The following TTC34 variants were observed in gnomAD, a reference collection of about 807,000 sequenced individuals.
TTC34 encodes tetratricopeptide repeat domain 34.
In TTC34, 44 loss-of-function variants were observed where a neutral mutation model predicts 40.7. The observed-to-expected ratio is 1.08, with a 90% CI of 0.85 to 1.39. TTC34 has a LOEUF of 1.39. Ranked by LOEUF, TTC34 falls within the 40% of genes most tolerant of loss-of-function variation. The probability of loss-of-function intolerance (pLI) is 0.00; values close to 1 mark genes in which losing one functional copy is unlikely to be tolerated. For missense variants in TTC34, 884 were observed against 838.0 expected (o/e 1.05, Z -0.68); for synonymous variants, 422 against 398.6 (o/e 1.06, Z -0.70).
intron 5 of TTC34, among the ~76,000 whole-genome samples, chr1:2,784,932 G>A (rs1056855699): frequency 3.3e-5 from 5 of 149,924 alleles, no homozygotes; most frequent in Non-Finnish European, 7.4e-5. Flanking sequence ...GTGTTGTTCT[G>A]TGACGGACAT....
chr1:2,765,816 G>T (rs1641773847), intron 6 of TTC34, among the ~76,000 whole-genome samples: 1 of 9,668 alleles, frequency 1.0e-4, no homozygotes, highest in Non-Finnish European at 1.6e-4. Flanking sequence ...GCATCTGACA[G>T]CCTGGAGCAG....
At chr1:2,677,013 C>CA (rs1639930229) in intron 6 of TTC34, among the ~76,000 whole-genome samples, 1 of 90,262 alleles carries the variant, frequency 1.1e-5, no homozygotes, top group Non-Finnish European at 2.3e-5. Flanking sequence ...CCACCACTCC[C>CA]AGGCCAGCAT....
At chr1:2,779,701 T>C (rs1417455451) in intron 6 of TTC34, among the ~76,000 whole-genome samples, 1 of 152,184 alleles carries the variant, frequency 6.6e-6, no homozygotes, top group African/African-American at 2.4e-5. Flanking sequence ...TTCCCACCAA[T>C]AGTGCAGAAG....
chr1:2,769,476 G>C (rs1428234890), intron 6 of TTC34, among the ~76,000 whole-genome samples: 1 of 62,436 alleles, frequency 1.6e-5, no homozygotes, highest in African/African-American at 9.2e-5. Context: ...ACCTCCAGGG[G>C]AGCATCTGAC....
intron 6 of TTC34, among the ~76,000 whole-genome samples, chr1:2,749,584 G>T (rs1376665951): frequency 2.9e-5 from 2 of 68,186 alleles, no homozygotes; most frequent in Non-Finnish European, 5.3e-5. Context: ...GCATCCGACA[G>T]CCTGGAGCAG....
chr1:2,786,829 C>T (rs1157158445), intron 4 of TTC34, among the ~76,000 whole-genome samples: 3 of 152,140 alleles, frequency 2.0e-5, no homozygotes, highest in African/African-American at 4.8e-5. Flanking sequence ...GGTGGGCACA[C>T]GGGTTCCCCA....
At chr1:2,790,386 C>G (rs1643650434) in intron 2 of TTC34, 40 bp from the exon 3 acceptor site, 2 of 398,322 alleles carry the variant, frequency 5.0e-6, no homozygotes, top group Non-Finnish European at 8.8e-6. Context: ...GCCTGGGGGG[C>G]CGACTCCCCG....
chr1:2,642,865 T>C (rs887674703), intron 8 of TTC34, among the ~76,000 whole-genome samples: 6 of 152,222 alleles, frequency 3.9e-5, no homozygotes, highest in Admixed American at 3.9e-4. Context: ...GCTTTGCTGC[T>C]GGGCTCCCGC....
intron 6 of TTC34, among the ~76,000 whole-genome samples, chr1:2,677,686 C>CTGA (rs1639961195): frequency 6.6e-6 from 1 of 151,866 alleles, no homozygotes; most frequent in South Asian, 2.1e-4. Context: ...GAACAGCACC[C>CTGA]ATACGCCCAG....
At chr1:2,677,751 A>G (rs1175415049) in intron 6 of TTC34, among the ~76,000 whole-genome samples, 5 of 133,848 alleles carry the variant, frequency 3.7e-5, no homozygotes, top group Non-Finnish European at 8.1e-5. Context: ...AGCATCTGAC[A>G]GCCTGGAACA....
At chr1:2,786,099 G>A (rs1358493782) in intron 4 of TTC34, 76 bp from the exon 5 acceptor site, 11 of 1,288,966 alleles carry the variant, frequency 8.5e-6, no homozygotes, top group Non-Finnish European at 1.1e-5. Context: ...GACGCCCCTG[G>A]CCATCCCCCA....
At chr1:2,683,304 T>A (rs200521457) in intron 6 of TTC34, among the ~76,000 whole-genome samples, 26 of 60,834 alleles carry the variant, frequency 4.3e-4, no homozygotes, top group African/African-American at 1.7e-3. Context: ...TGGAACAGAA[T>A]CCACACCCCC....
chr1:2,753,013 A>C (rs1641375973), intron 6 of TTC34, among the ~76,000 whole-genome samples: 1 of 135,458 alleles, frequency 7.4e-6, no homozygotes, highest in Non-Finnish European at 1.6e-5. Flanking sequence ...TGGCATCCTC[A>C]CCTCCAGGTG....
chr1:2,692,004 A>G (rs561899576), intron 6 of TTC34, among the ~76,000 whole-genome samples: 2 of 65,940 alleles, frequency 3.0e-5, no homozygotes, highest in African/African-American at 5.3e-5. Context: ...AGCATCTGAC[A>G]GCATGTATCA....
intron 2 of TTC34, among the ~76,000 whole-genome samples, 153 bp from the exon 3 acceptor site, chr1:2,790,499 G>A (rs552639903): frequency 6.6e-6 from 1 of 152,288 alleles, no homozygotes; most frequent in South Asian, 2.1e-4. Flanking sequence ...GTGGCCCTGG[G>A]TATGGCACCG....
At chr1:2,643,597 G>A (rs978855387) in intron 8 of TTC34, among the ~76,000 whole-genome samples, 5 of 149,816 alleles carry the variant, frequency 3.3e-5, no homozygotes, top group African/African-American at 1.2e-4. Flanking sequence ...ACCCCGCCCA[G>A]CCCGGCCGCC....
exon 9 of TTC34, chr1:2,638,985 A>G (rs1638844258): frequency 6.6e-6 from 1 of 152,258 alleles, no homozygotes; most frequent in Non-Finnish European, 1.5e-5. Flanking sequence ...TCTAGTGAGG[A>G]TCCCTTCCTG....
At chr1:2,655,803 C>A (rs57545756) in intron 6 of TTC34, among the ~76,000 whole-genome samples, 136 of 150,628 alleles carry the variant, frequency 9.0e-4, no homozygotes, top group African/African-American at 3.3e-3. Flanking sequence ...TGGTCTGGAG[C>A]AGCACCCACA....
chr1:2,673,383 T>G (rs1308647004), intron 6 of TTC34, among the ~76,000 whole-genome samples: 2 of 32,230 alleles, frequency 6.2e-5, no homozygotes, highest in Non-Finnish European at 1.3e-4. Context: ...AGGGCCTGGG[T>G]CGGCACCCAC....
Sources: allele counts gnomAD v4.1 joint callset (sites outside exome capture counted in the v4.1 genomes callset), GRCh38; gene constraint gnomAD v4.1.1; transcripts MANE v1.5; gene names NCBI Gene and HGNC (gene_info 2026-07-23, HGNC 2026-07-21).